Variants in LARP7 observed in about 807,000 individuals in gnomAD.
LARP7 encodes la-related protein 7.
A neutral mutation model predicts 69.3 loss-of-function variants in LARP7; 52 were observed. The ratio of observed to expected loss-of-function variants is 0.75; its 90% CI spans 0.60 to 0.95. LARP7 has a LOEUF of 0.95. Among genes scored for constraint, LARP7 ranks in the 40% least tolerant of loss-of-function variants. LARP7 has a pLI of 0.00. For missense variants in LARP7, 733 were observed against 673.0 expected (o/e 1.09, Z -0.99); for synonymous variants, 254 against 215.9 (o/e 1.18, Z -1.55).
intron 10 of LARP7, among the ~76,000 whole-genome samples, chr4:112,652,495 T>TGA (rs2048791143): frequency 6.6e-6 from 1 of 152,098 alleles, no homozygotes. Flanking sequence ...AACTTTTCCT[T>TGA]GCTGGGTGAC....
intron 10 of LARP7, among the ~76,000 whole-genome samples, chr4:112,650,867 G>T (rs1461511913): frequency 1.3e-5 from 2 of 151,724 alleles, no homozygotes; most frequent in Non-Finnish European, 2.9e-5. Context: ...GATTTTTTTT[G>T]TATTACCTAT....
intron 2 of LARP7, chr4:112,645,661 A>G (rs1438236561): frequency 2.2e-6 from 1 of 447,184 alleles, no homozygotes; most frequent in East Asian, 7.1e-5. Context: ...CTGAGAACAC[A>G]GGCAAGCATC....
At chr4:112,641,773 G>T (rs1332287067) in intron 1 of LARP7, among the ~76,000 whole-genome samples, 1 of 152,206 alleles carries the variant, frequency 6.6e-6, no homozygotes, top group Non-Finnish European at 1.5e-5. Context: ...GTTAGCACTA[G>T]AGAGTCCTAT....
intron 7 of LARP7, 55 bp downstream of exon 7, chr4:112,647,604 TTTAA>T (rs750024669): frequency 3.1e-5 from 46 of 1,461,646 alleles, no homozygotes; most frequent in South Asian, 6.0e-5. Context: ...TTAATTAGTT[TTTAA>T]TTAATTAGGT....
chr4:112,650,504 A>G lies in LARP7; in HGVS notation c.1338A>G (p.Ala446=). 2.5e-6 allele frequency: 4 copies of G among 1,613,824 alleles called. No individual in the cohort carries two copies. Among genetic ancestry groups the G allele is most frequent in the Non-Finnish European group, 2.5e-6 (3 of 1,179,818 alleles). The change falls in exon 10 of 13, where the codon GCA becomes GCG. Residue 446 remains alanine (A), a synonymous_variant. Transcript: ENST00000344442. ...EECRTQEKVN[A]TGPQFVSGVI... ...GTCGCACCCAGGAGAAAGTTAATGCAACAGGACCACAGTTCGTGAGTGGAG... is the reference window on the plus strand; with the variant it reads ...GTCGCACCCAGGAGAAAGTTAATGCGACAGGACCACAGTTCGTGAGTGGAG...
At chr4:112,639,139 G>A (rs1035907085) in intron 1 of LARP7, among the ~76,000 whole-genome samples, 9 of 151,784 alleles carry the variant, frequency 5.9e-5, no homozygotes, top group African/African-American at 2.2e-4. Context: ...ATTTACAAAA[G>A]TGTATATAAA....
chr4:112,648,332 TTG>T, intron 8 of LARP7: 1 of 529,782 alleles, frequency 1.9e-6, no homozygotes, highest in Non-Finnish European at 3.9e-6. Context: ...CAAAAAAATT[TTG>T]TAACAAAAGG....
At chr4:112,653,340 TG>T (rs1397952386) in intron 11 of LARP7, 104 bp downstream of exon 11, 1 of 888,992 alleles carries the variant, frequency 1.1e-6, no homozygotes, top group Non-Finnish European at 1.6e-6. Flanking sequence ...TTTTTGGTCT[TG>T]CTCTGTCGCT....
At chr4:112,653,266 T>G (rs760184474) in intron 11 of LARP7, 30 bp downstream of exon 11, 17 of 1,538,802 alleles carry the variant, frequency 1.1e-5, no homozygotes, top group African/African-American at 1.4e-5. Context: ...TCCTTTTTTT[T>G]TTGTTATCAT....
intron 2 of LARP7, chr4:112,645,773 C>G (rs1459768636): frequency 2.8e-6 from 1 of 356,896 alleles, no homozygotes; most frequent in Admixed American, 3.9e-5. Context: ...TTACCTTCAC[C>G]CCTGAATTGC....
rs751585535 is a variant in LARP7, at chr4:112,649,593, T to A, written c.1201T>A (p.Ser401Thr). 13 of 1,608,322 alleles carry A rather than the reference T, an allele frequency of 8.1e-6. No individual in the cohort carries two copies. Residue 401 changes from serine (S) to threonine (T), a missense_variant, in exon 9 of 13, where the codon TCT becomes ACT. Ser to Thr is a moderately conservative substitution (Grantham distance 58). Coordinates refer to ENST00000344442, the MANE Select transcript of LARP7 (RefSeq NM_016648.4). Reference protein sequence around the residue: ...YLALQKASMASLKKTISQIKS... With the variant: ...YLALQKASMATLKKTISQIKS... ...AGCGCTACAAAAAGCTAGCATGGCT[T>A]CTTTAAAAAAAACAATATCCCAAAT...
chr4:112,640,891 A>G (rs76681118), intron 1 of LARP7, among the ~76,000 whole-genome samples: 4,217 of 152,316 alleles, frequency 0.028, 95 homozygotes, highest in Middle Eastern at 0.092. Context: ...AGTAATTCAT[A>G]CAGATACGGT....
At chr4:112,645,467 AG>A (rs1466248755) in intron 2 of LARP7, 3 of 455,920 alleles carry the variant, frequency 6.6e-6, no homozygotes, top group African/African-American at 6.0e-5. Flanking sequence ...GCTATACTTT[AG>A]TTCATACAAG....
At chr4:112,643,120 A>C (rs1377758618) in intron 1 of LARP7, among the ~76,000 whole-genome samples, 2 of 152,248 alleles carry the variant, frequency 1.3e-5, no homozygotes, top group Non-Finnish European at 2.9e-5. Context: ...GTAAACAAAC[A>C]AAAATCTCTG....
intron 10 of LARP7, among the ~76,000 whole-genome samples, chr4:112,651,319 TTTATC>T (rs2048724624): frequency 6.6e-6 from 1 of 152,194 alleles, no homozygotes; most frequent in African/African-American, 2.4e-5. Context: ...TGGTGGTTTG[TTTATC>T]TGTAAGCCCT....
chr4:112,645,768 T>C (rs1001733432), intron 2 of LARP7: 2 of 359,936 alleles, frequency 5.6e-6, no homozygotes, highest in African/African-American at 4.3e-5. Flanking sequence ...GAGATTTACC[T>C]TCACCCCTGA....
At position 112,647,705 on chromosome 4, in the gene LARP7, C is replaced by T. The variant is rs189806015; in HGVS notation, c.1013C>T (p.Thr338Ile). 3.5e-4 allele frequency: 541 copies of T among 1,536,662 alleles called. 2 individuals carry two copies. In the African/African-American group the frequency reaches 6.6e-3, roughly 19 times the overall value. Reference sequence around the variant, plus strand: ...TTATTTCAAGATATAGAAATCTCTACTGAAGAGGAAAAGGATACTGGAGAT... The same window carrying T: ...TTATTTCAAGATATAGAAATCTCTATTGAAGAGGAAAAGGATACTGGAGAT... ...SKENRDIEIS[T>I]EEEKDTGDLK... The change falls in exon 8 of 13, where the codon ACT (threonine) becomes ATT (isoleucine). Residue 338 changes from threonine to isoleucine, a missense_variant. Physicochemically the swap from Thr to Ile is moderately conservative, Grantham distance 89. Coordinates refer to ENST00000344442, the MANE Select transcript of LARP7 (RefSeq NM_016648.4).
At chr4:112,657,180 G>A (rs577967325) in intron 12 of LARP7, 67 bp from the exon 13 acceptor site, 21 of 706,322 alleles carry the variant, frequency 3.0e-5, no homozygotes, top group Middle Eastern at 3.7e-4. Context: ...TTGTGTGTGT[G>A]TGTGTGTGTG....
At position 112,647,817 on chromosome 4, in the gene LARP7, A is replaced by G; in HGVS notation, c.1125A>G (p.Pro375=). The G allele has an allele frequency of 1.3e-6, 2 of 1,592,284 alleles. No homozygotes were observed. Among genetic ancestry groups the G allele is most frequent in the Non-Finnish European group, 8.6e-7 (1 of 1,163,770 alleles). The change falls in exon 8 of 13, where the codon CCA becomes CCG. Residue 375 remains proline (P), a synonymous_variant. Transcript: ENST00000344442. The part of the protein sequence containing the change: ...ERHKMGEEVI[P]LRVLSKSEWM... Reference sequence around the variant, plus strand: ...ATAAAATGGGAGAAGAAGTTATACCATTAAGAGTGCTATCAAAGTAAGTCT... The same window carrying G: ...ATAAAATGGGAGAAGAAGTTATACCGTTAAGAGTGCTATCAAAGTAAGTCT...
Sources: allele counts gnomAD v4.1 joint callset (sites outside exome capture counted in the v4.1 genomes callset), GRCh38; gene constraint gnomAD v4.1.1; transcripts MANE v1.5; gene names NCBI Gene and HGNC (gene_info 2026-07-23, HGNC 2026-07-21).